Variants in BLK observed in about 807,000 individuals in gnomAD.
The protein encoded by BLK is tyrosine-protein kinase Blk.
In BLK, 64 loss-of-function variants were observed where a neutral mutation model predicts 61.8. The observed-to-expected ratio is 1.03, with a 90% CI of 0.85 to 1.27. BLK has a LOEUF of 1.27. BLK is among the 50% of genes most tolerant of loss of function. The pLI is 0.00. For synonymous variants in BLK, 351 were observed against 272.0 expected, an observed-to-expected ratio of 1.29 and a Z score of -2.86; for missense variants, 853 against 660.5, an observed-to-expected ratio of 1.29 and a Z score of -3.19.
At chr8:11,495,774 G>A (rs914548947) in intron 1 of BLK, among the ~76,000 whole-genome samples, 2 of 152,152 alleles carry the variant, frequency 1.3e-5, no homozygotes, top group African/African-American at 2.4e-5. Flanking sequence ...GGAAAAATAG[G>A]TGAAATTTTA....
chr8:11,507,358 T>G (rs1011624187), intron 1 of BLK, among the ~76,000 whole-genome samples: 6 of 152,212 alleles, frequency 3.9e-5, no homozygotes, highest in Non-Finnish European at 7.3e-5. Context: ...GTCCTGGATT[T>G]GCAGTGGCCC....
intron 1 of BLK, among the ~76,000 whole-genome samples, chr8:11,499,464 T>C (rs1307927938): frequency 1.3e-5 from 2 of 152,264 alleles, no homozygotes; most frequent in Non-Finnish European, 1.5e-5. Context: ...TCACAGTGCT[T>C]GAGATCCTGA....
intron 1 of BLK, among the ~76,000 whole-genome samples, chr8:11,529,705 T>C (rs1190667086): frequency 6.6e-6 from 1 of 152,238 alleles, no homozygotes. Context: ...CATTTTTAAC[T>C]ACAAACTATA....
intron 8 of BLK, chr8:11,556,314 C>T (rs1801219451): frequency 2.7e-6 from 1 of 370,456 alleles, no homozygotes; most frequent in Non-Finnish European, 5.2e-6. Context: ...TGCTTATTTC[C>T]ACCAAGGAGT....
chr8:11,545,918 C>G (rs1229061852), intron 2 of BLK, 134 bp from the exon 3 acceptor site: 1 of 928,184 alleles, frequency 1.1e-6, no homozygotes, highest in African/African-American at 1.6e-5. Context: ...TGAGCAGCCC[C>G]CACAGGCAGC....
chr8:11,543,366 C>G lies in BLK; in HGVS notation c.123+19C>G. The G allele has an allele frequency of 6.2e-7, 1 of 1,611,828 alleles. No individual in the cohort carries two copies. The highest frequency in any genetic ancestry group is 8.5e-7 in the Non-Finnish European group (1 of 1,179,946). ...GCCCCTGGTGAGTGATTGCCCACCC[C>G]CACCAAGAGCAGATTACTTACTTCT... is the stretch of plus-strand genomic sequence containing the variant. On this transcript the variant is annotated intron_variant, in intron 2 of 12. Transcript: ENST00000259089.
At chr8:11,549,377 G>A (rs1800802459) in intron 5 of BLK, among the ~76,000 whole-genome samples, 1 of 152,222 alleles carries the variant, frequency 6.6e-6, no homozygotes, top group African/African-American at 2.4e-5. Context: ...TCCCCTGGAT[G>A]GAACCGGCCC....
At chr8:11,526,671 A>T (rs949758213) in intron 1 of BLK, among the ~76,000 whole-genome samples, 2 of 152,228 alleles carry the variant, frequency 1.3e-5, no homozygotes, top group African/African-American at 4.8e-5. Flanking sequence ...GTGAGCTGAG[A>T]CTGTGCCAGT....
At chr8:11,560,380 TG>T (rs1801452317) in intron 10 of BLK, 1 of 196,774 alleles carries the variant, frequency 5.1e-6, no homozygotes, top group Admixed American at 5.6e-5. Flanking sequence ...GATGGGTGGG[TG>T]GATGGATGGA....
intron 2 of BLK, among the ~76,000 whole-genome samples, chr8:11,544,954 T>C (rs1050396942): frequency 6.6e-6 from 1 of 152,204 alleles, no homozygotes; most frequent in African/African-American, 2.4e-5. Flanking sequence ...CCCCTGTTTG[T>C]ACCCTTCACC....
chr8:11,508,236 C>T (rs776474728), intron 1 of BLK, among the ~76,000 whole-genome samples: 31 of 152,218 alleles, frequency 2.0e-4, no homozygotes, highest in Admixed American at 6.5e-5. Context: ...CGTGTCACGG[C>T]GCGAAGGCTA....
At chr8:11,511,251 C>T (rs910279955) in intron 1 of BLK, among the ~76,000 whole-genome samples, 3 of 152,094 alleles carry the variant, frequency 2.0e-5, no homozygotes, top group African/African-American at 7.2e-5. Flanking sequence ...AATGAGAACA[C>T]ATGGACACAG....
At chr8:11,563,265 C>T (rs1801575222) in intron 12 of BLK, among the ~76,000 whole-genome samples, 155 bp downstream of exon 12, 1 of 152,224 alleles carries the variant, frequency 6.6e-6, no homozygotes, top group African/African-American at 2.4e-5. Flanking sequence ...GGGTGGAGCT[C>T]TGCCCCCTGC....
intron 1 of BLK, among the ~76,000 whole-genome samples, chr8:11,508,217 C>G (rs1339586144): frequency 6.6e-6 from 1 of 152,252 alleles, no homozygotes; most frequent in African/African-American, 2.4e-5. Context: ...TACTGTAAGG[C>G]AAGAGAAGCG....
intron 1 of BLK, among the ~76,000 whole-genome samples, chr8:11,503,344 C>G (rs1217760514): frequency 6.6e-6 from 1 of 152,180 alleles, no homozygotes; most frequent in Non-Finnish European, 1.5e-5. Flanking sequence ...TAGGTGGGCA[C>G]TCTTCTGCAA....
chr8:11,506,116 A>C (rs1446441629), intron 1 of BLK, among the ~76,000 whole-genome samples: 1 of 152,110 alleles, frequency 6.6e-6, no homozygotes, highest in East Asian at 1.9e-4. Flanking sequence ...CCCACCGCAC[A>C]CCTGGAGAGC....
intron 1 of BLK, among the ~76,000 whole-genome samples, chr8:11,523,588 T>A (rs910317011): frequency 2.0e-5 from 3 of 152,210 alleles, no homozygotes; most frequent in Admixed American, 2.0e-4. Flanking sequence ...TTAAAAAGCA[T>A]AACCTAAATT....
At chr8:11,532,893 A>G (rs1283177279) in intron 1 of BLK, among the ~76,000 whole-genome samples, 1 of 152,230 alleles carries the variant, frequency 6.6e-6, no homozygotes, top group Non-Finnish European at 1.5e-5. Flanking sequence ...ACCTGTGGAT[A>G]AAATTGGTTT....
intron 11 of BLK, 75 bp from the exon 12 acceptor site, chr8:11,562,904 C>G: frequency 6.3e-7 from 1 of 1,596,588 alleles, no homozygotes; most frequent in South Asian, 1.1e-5. Flanking sequence ...ACAGCAGGAG[C>G]AGGGGTAGGG....
Sources: gnomAD v4.1 joint callset for allele counts (sites outside exome capture counted in the v4.1 genomes callset) on GRCh38, gnomAD v4.1.1 for gene constraint, MANE v1.5 for transcripts, NCBI Gene and HGNC (gene_info 2026-07-23, HGNC 2026-07-21) for gene names.